The following PTPRD variants were observed in gnomAD, a reference collection of about 807,000 sequenced individuals.
PTPRD encodes the protein protein tyrosine phosphatase receptor type D.
A neutral mutation model predicts 214.5 loss-of-function variants in PTPRD; 34 were observed. The observed-to-expected ratio is 0.16, with a 90% CI of 0.12 to 0.21. PTPRD has a LOEUF of 0.21. Among genes scored for constraint, PTPRD ranks in the 10% least tolerant of loss-of-function variants. The pLI is 1.00. For missense variants in PTPRD, 2,545 were observed against 2,398.7 expected (o/e 1.06, Z -1.27); for synonymous variants, 1,128 against 845.7 (o/e 1.33, Z -5.79).
At chr9:8,678,450 C>T (rs1565213607) in intron 12 of PTPRD, among the ~76,000 whole-genome samples, 1 of 152,130 alleles carries the variant, frequency 6.6e-6, no homozygotes, top group South Asian at 2.1e-4. Context: ...AGAATCTATA[C>T]TCTCTTGTCT....
rs180723004 is a variant in PTPRD, at chr9:9,572,155, T to C, written c.-237+2577A>G. 3.5e-3 allele frequency among the ~76,000 whole-genome samples: 528 copies of C among 151,494 alleles called. 4 individuals carry two copies. Among genetic ancestry groups the C allele is most frequent in the Non-Finnish European group, 5.3e-3 (359 of 67,434 alleles). ...AGAAAATCCACCAAAGAGTTGAATA[T>C]AAAGTGCAAATATTCAGTGGTGCTC... On this transcript the variant is annotated intron_variant, in intron 8 of 45. Coordinates refer to ENST00000381196, the MANE Select transcript of PTPRD (RefSeq NM_002839.4).
At chr9:8,544,234 T>G (rs1276976176) in intron 14 of PTPRD, among the ~76,000 whole-genome samples, 4 of 146,874 alleles carry the variant, frequency 2.7e-5, no homozygotes, top group South Asian at 2.2e-4. Context: ...TGGTGCCATC[T>G]TGGCTCACTG....
chr9:8,945,622 T>C (rs1407121499), intron 11 of PTPRD, among the ~76,000 whole-genome samples: 1 of 152,128 alleles, frequency 6.6e-6, no homozygotes, highest in African/African-American at 2.4e-5. Context: ...ATTCATGCTC[T>C]ACACCCTGGT....
intron 10 of PTPRD, among the ~76,000 whole-genome samples, chr9:9,094,205 G>T (rs545480144): frequency 1.3e-5 from 2 of 152,074 alleles, no homozygotes; most frequent in South Asian, 4.1e-4. Context: ...AAGTCATTAC[G>T]TGAGAAAGAC....
chr9:9,722,230 G>A (rs2097964274), intron 7 of PTPRD, among the ~76,000 whole-genome samples: 1 of 152,012 alleles, frequency 6.6e-6, no homozygotes, highest in Middle Eastern at 3.4e-3. Context: ...ATACTTATCA[G>A]CAGACAGCCT....
intron 7 of PTPRD, among the ~76,000 whole-genome samples, chr9:9,671,400 A>C (rs2096829861): frequency 6.6e-6 from 1 of 152,022 alleles, no homozygotes. Context: ...TCTTGTCTCA[A>C]ATGAGACTAC....
intron 5 of PTPRD, among the ~76,000 whole-genome samples, chr9:9,808,231 T>A (rs1224847427): frequency 1.3e-5 from 2 of 152,168 alleles, no homozygotes; most frequent in African/African-American, 2.4e-5. Flanking sequence ...AGTATAGAGC[T>A]TTGGTCTGAT....
chr9:8,526,612 G>A lies in PTPRD; in HGVS notation c.568+15C>T, dbSNP rs1158397510. On this transcript the variant is annotated intron_variant, in intron 17 of 45. Coordinates refer to ENST00000381196, the MANE Select transcript of PTPRD (RefSeq NM_002839.4). ...GAGTAAGATCATTCTGTGAACGTTAGTTCAGCACTCTTACCTCTTATTGGT... is the reference window on the plus strand; with the variant it reads ...GAGTAAGATCATTCTGTGAACGTTAATTCAGCACTCTTACCTCTTATTGGT... The A allele has an allele frequency of 1.3e-6, 2 of 1,577,288 alleles. No individual in the cohort carries two copies. Among genetic ancestry groups the A allele is most frequent in the African/African-American group, 2.7e-5 (2 of 73,774 alleles).
chr9:8,464,646 T>C (rs996930263), intron 32 of PTPRD, among the ~76,000 whole-genome samples: 1 of 151,874 alleles, frequency 6.6e-6, no homozygotes, highest in Non-Finnish European at 1.5e-5. Flanking sequence ...GTTTATAATA[T>C]GTATATTAAA....
At chr9:8,469,973 G>C (rs1260715984) in intron 31 of PTPRD, among the ~76,000 whole-genome samples, 8 of 152,058 alleles carry the variant, frequency 5.3e-5, no homozygotes, top group African/African-American at 1.7e-4. Flanking sequence ...CTGTAATGTA[G>C]GTAGGGAATT....
intron 10 of PTPRD, among the ~76,000 whole-genome samples, chr9:9,038,285 G>A (rs2154381546): frequency 6.6e-6 from 1 of 152,246 alleles, no homozygotes; most frequent in African/African-American, 2.4e-5. Flanking sequence ...GGGCAGCTGG[G>A]ACCTACCACA....
At chr9:9,392,613 T>A (rs1198812315) in intron 9 of PTPRD, among the ~76,000 whole-genome samples, 1 of 152,126 alleles carries the variant, frequency 6.6e-6, no homozygotes, top group African/African-American at 2.4e-5. Context: ...CTAGGGTAAT[T>A]TGATAATCAG....
intron 5 of PTPRD, among the ~76,000 whole-genome samples, chr9:9,865,730 A>C (rs1009919574): frequency 7.2e-5 from 11 of 152,360 alleles, no homozygotes; most frequent in African/African-American, 2.6e-4. Context: ...TTTTCTGCTA[A>C]AAGAATAGTT....
intron 2 of PTPRD, among the ~76,000 whole-genome samples, chr9:10,574,212 T>TGC (rs952861210): frequency 1.2e-4 from 18 of 151,858 alleles, no homozygotes; most frequent in African/African-American, 4.1e-4. Context: ...TGTGTGTGTG[T>TGC]GCGTGCATGT....
chr9:8,660,597 C>T (rs2097022003), intron 12 of PTPRD, among the ~76,000 whole-genome samples: 2 of 152,148 alleles, frequency 1.3e-5, no homozygotes, highest in South Asian at 2.1e-4. Context: ...CAGTGAACTT[C>T]TCCTTTTGAC....
At chr9:9,971,929 A>G (rs141646429) in intron 4 of PTPRD, among the ~76,000 whole-genome samples, 75 of 152,302 alleles carry the variant, frequency 4.9e-4, no homozygotes, top group African/African-American at 1.7e-3. Context: ...ATTGCTGGTA[A>G]CATATTAGAA....
intron 8 of PTPRD, among the ~76,000 whole-genome samples, chr9:9,431,904 G>T (rs975702260): frequency 6.2e-5 from 7 of 113,230 alleles, no homozygotes; most frequent in South Asian, 3.9e-4. Flanking sequence ...GGCCTGTTGT[G>T]GGGTGGGGGG....
At chr9:8,336,880 A>G (rs1847428799) in intron 43 of PTPRD, among the ~76,000 whole-genome samples, 1 of 152,222 alleles carries the variant, frequency 6.6e-6, no homozygotes, top group South Asian at 2.1e-4. Flanking sequence ...GAGAAATGCA[A>G]ATCAAAACCA....
At chr9:8,357,434 T>C (rs1336429396) in intron 39 of PTPRD, among the ~76,000 whole-genome samples, 1 of 152,212 alleles carries the variant, frequency 6.6e-6, no homozygotes, top group Non-Finnish European at 1.5e-5. Context: ...GACCCCAAGC[T>C]GCCTTCCTTA....
Sources: gnomAD v4.1 joint callset for allele counts (sites outside exome capture counted in the v4.1 genomes callset) on GRCh38, gnomAD v4.1.1 for gene constraint, MANE v1.5 for transcripts, NCBI Gene and HGNC (gene_info 2026-07-23, HGNC 2026-07-21) for gene names.